Variants in PPARD observed in about 807,000 individuals in gnomAD.
PPARD encodes the protein peroxisome proliferator-activated receptor delta.
A neutral mutation model predicts 39.5 loss-of-function variants in PPARD; 6 were observed. That is an observed-to-expected ratio of 0.15 (90% CI 0.08 to 0.30). The LOEUF is 0.30. Ranked by LOEUF, PPARD falls within the 10% of genes least tolerant of loss-of-function variation. PPARD has a pLI of 1.00. For synonymous variants in PPARD, 210 were observed against 231.3 expected, an observed-to-expected ratio of 0.91 and a Z score of 0.83; for missense variants, 397 against 596.8, an observed-to-expected ratio of 0.67 and a Z score of 3.49.
At chr6:35,360,895 A>G (rs1280989906) in intron 2 of PPARD, among the ~76,000 whole-genome samples, 1 of 152,098 alleles carries the variant, frequency 6.6e-6, no homozygotes, top group African/African-American at 2.4e-5. Context: ...CATAGATGGC[A>G]TCTCACTGGT....
In PPARD at chr6:35,424,845, T is replaced by G; in HGVS notation, c.1078+66T>G. 6 of 1,563,114 alleles carry G rather than the reference T, an allele frequency of 3.8e-6. No individual in the cohort carries two copies. The highest frequency in any genetic ancestry group is 5.2e-6 in the Non-Finnish European group (6 of 1,155,994). On this transcript the variant is annotated intron_variant, in intron 7 of 7. Coordinates refer to ENST00000360694, the MANE Select transcript of PPARD (RefSeq NM_006238.5). The surrounding 1 kb of genome is among the most constrained non-coding windows in gnomAD (Gnocchi z 7.1). ...AGTCGTCCTGGGGGTTGGCCCTCAC[T>G]GCAGGGCACTGTGCCTGAGCTCTGA...
Position 35,401,007 on chromosome 6 carries a change from G to A in PPARD, c.-101-9980G>A, listed in dbSNP as rs1050272565. ...CATGCCAAGCAGTGCCAAGCGCCAC[G>A]TCTGCTCCCCAGATACCTGTGTTTG... is the stretch of plus-strand genomic sequence containing the variant. On this transcript the variant is annotated intron_variant, in intron 2 of 7. Coordinates refer to ENST00000360694, the MANE Select transcript of PPARD (RefSeq NM_006238.5). The surrounding 1 kb of genome is among the most constrained non-coding windows in gnomAD (Gnocchi z 4.1). Among the ~76,000 whole-genome samples, 2 of 152,080 alleles carry A rather than the reference G, an allele frequency of 1.3e-5. No individual in the cohort carries two copies. Among genetic ancestry groups the A allele is most frequent in the Non-Finnish European group, 2.9e-5 (2 of 68,010 alleles).
rs991966797 is a variant in PPARD, at chr6:35,366,936, C to T, written c.-102+19786C>T. Among the ~76,000 whole-genome samples, 9 of 152,302 alleles carry T rather than the reference C, an allele frequency of 5.9e-5. No individual in the cohort carries two copies. The highest frequency in any genetic ancestry group is 1.4e-4 in the African/African-American group (6 of 41,558). On this transcript the variant is annotated intron_variant, in intron 2 of 7. Transcript: ENST00000360694. This position sits in a 1 kb window ranked among gnomAD's most constrained non-coding sequence, Gnocchi z 4.6. ...ACTGATTAATATGCATATGGTCTTG[C>T]GTATGGCCAGACTTATGACTTGCGT... is the stretch of plus-strand genomic sequence containing the variant.
chr6:35,345,461 C>T (rs1792113920), intron 1 of PPARD, among the ~76,000 whole-genome samples: 1 of 152,010 alleles, frequency 6.6e-6, no homozygotes. Context: ...AATTAAAAAA[C>T]AATTTTTTTG....
rs186696810 is a variant in PPARD, at chr6:35,396,278, T to C, written c.-101-14709T>C. On this transcript the variant is annotated intron_variant, in intron 2 of 7. Coordinates refer to ENST00000360694, the MANE Select transcript of PPARD (RefSeq NM_006238.5). ...GGAGTGCAGTGGCACGATCTTGGCT[T>C]ACTGCAAGCTCCACCTCCCAGGTTC... 4.6e-4 allele frequency among the ~76,000 whole-genome samples: 70 copies of C among 151,636 alleles called. No individual in the cohort carries two copies. In the South Asian group the frequency reaches 5.9e-3, roughly 13 times the overall value.
chr6:35,378,189 G>A (rs951510367), intron 2 of PPARD, among the ~76,000 whole-genome samples: 1 of 151,996 alleles, frequency 6.6e-6, no homozygotes, highest in African/African-American at 2.4e-5. Context: ...AGCCGACTCT[G>A]ACCCCCTTGA....
chr6:35,385,802 G>A (rs913455450), intron 2 of PPARD, among the ~76,000 whole-genome samples: 4 of 152,216 alleles, frequency 2.6e-5, no homozygotes, highest in Non-Finnish European at 2.9e-5. Context: ...GAGAGGCCCC[G>A]GACAGTGGTG....
In PPARD at chr6:35,363,482, C is replaced by T. The variant is rs538844718; in HGVS notation, c.-102+16332C>T. Among the ~76,000 whole-genome samples, 105 of 152,318 alleles carry T rather than the reference C, an allele frequency of 6.9e-4. No individual in the cohort carries two copies. Among genetic ancestry groups the T allele is most frequent in the Non-Finnish European group, 8.5e-4 (58 of 68,030 alleles). Reference sequence around the variant, plus strand: ...GAAACTGTATCCCTCAGCTGACACACGCTTGTAACTACAGCCCTGGCCATT... The same window carrying T: ...GAAACTGTATCCCTCAGCTGACACATGCTTGTAACTACAGCCCTGGCCATT... On this transcript the variant is annotated intron_variant, in intron 2 of 7. Coordinates refer to ENST00000360694, the MANE Select transcript of PPARD (RefSeq NM_006238.5). This position sits in a 1 kb window ranked among gnomAD's most constrained non-coding sequence, Gnocchi z 4.5.
chr6:35,397,477 T>C (rs1764415290), intron 2 of PPARD: 1 of 945,266 alleles, frequency 1.1e-6, no homozygotes, highest in Non-Finnish European at 1.3e-6. Flanking sequence ...ATGCTCATCT[T>C]GATAAGCTCC....
At chr6:35,403,801 C>T (rs1008155252) in intron 2 of PPARD, among the ~76,000 whole-genome samples, 2 of 152,112 alleles carry the variant, frequency 1.3e-5, no homozygotes, top group African/African-American at 2.4e-5. Flanking sequence ...GCAGACAGGT[C>T]GCGAAGGAGA....
intron 2 of PPARD, among the ~76,000 whole-genome samples, chr6:35,368,554 T>C (rs1194271465): frequency 6.6e-6 from 1 of 152,194 alleles, no homozygotes; most frequent in African/African-American, 2.4e-5. Context: ...AAGCTCCCCA[T>C]TGATTTGGGA....
chr6:35,347,021 C>T, intron 1 of PPARD, 46 bp from the exon 2 acceptor site: 1 of 1,291,210 alleles, frequency 7.7e-7, no homozygotes. Context: ...TTGAGGGCCC[C>T]TGGCACCTGT....
chr6:35,424,159 C>T lies in PPARD; in HGVS notation c.627+11C>T. The T allele has an allele frequency of 1.2e-6, 2 of 1,611,652 alleles. No homozygotes were observed. The highest frequency in any genetic ancestry group is 1.1e-5 in the South Asian group (1 of 91,058). On this transcript the variant is annotated intron_variant, in intron 6 of 7. Transcript: ENST00000360694. This position sits in a 1 kb window ranked among gnomAD's most constrained non-coding sequence, Gnocchi z 7.1. ...GCCAGCCACACGGCGGTGAGTGTTG[C>T]TGCTGCTTGGCCTGGCAGCATCCTG...
chr6:35,369,420 A>G (rs9658080), intron 2 of PPARD, among the ~76,000 whole-genome samples: 14,502 of 152,216 alleles, frequency 0.095, 1,264 homozygotes, highest in African/African-American at 0.23. Flanking sequence ...AGTCCCAAAA[A>G]GACATCTTAT....
At chr6:35,358,017 C>G (rs1419114759) in intron 2 of PPARD, among the ~76,000 whole-genome samples, 1 of 152,130 alleles carries the variant, frequency 6.6e-6, no homozygotes, top group African/African-American at 2.4e-5. Flanking sequence ...AAAATATACC[C>G]CTTTATAACC....
At chr6:35,364,431 CTTTT>C (rs529866520) in intron 2 of PPARD, among the ~76,000 whole-genome samples, 4 of 127,170 alleles carry the variant, frequency 3.1e-5, no homozygotes, top group African/African-American at 1.3e-4. Context: ...CCATGTTTAA[CTTTT>C]TTTTTTTTTT....
At chr6:35,386,982 T>A (rs1054370470) in intron 2 of PPARD, among the ~76,000 whole-genome samples, 19 of 150,354 alleles carry the variant, frequency 1.3e-4, no homozygotes, top group Admixed American at 8.6e-4. Flanking sequence ...GGGGGAAACC[T>A]GCTTTCCCCC....
intron 1 of PPARD, among the ~76,000 whole-genome samples, chr6:35,345,418 G>A (rs141420176): frequency 6.6e-6 from 1 of 151,796 alleles, no homozygotes; most frequent in African/African-American, 2.4e-5. Flanking sequence ...CCAGAGTAGC[G>A]GGGACTACAG....
At chr6:35,388,666 C>A (rs540406361) in intron 2 of PPARD, among the ~76,000 whole-genome samples, 1 of 151,994 alleles carries the variant, frequency 6.6e-6, no homozygotes, top group East Asian at 1.9e-4. Flanking sequence ...GAGCCGAGAT[C>A]GCGCCACTGC....
Sources: allele counts gnomAD v4.1 joint callset (sites outside exome capture counted in the v4.1 genomes callset), GRCh38; gene constraint gnomAD v4.1.1; non-coding constraint Gnocchi (gnomAD v3.1); transcripts MANE v1.5; gene names NCBI Gene and HGNC (gene_info 2026-07-23, HGNC 2026-07-21).